The following MRPL17 variants were observed in gnomAD, a reference collection of about 807,000 sequenced individuals.
The protein encoded by MRPL17 is large ribosomal subunit protein bL17m.
MRPL17 carries 8 observed loss-of-function variants against 12.0 expected under a neutral mutation model. The observed-to-expected ratio is 0.67, with a 90% CI of 0.39 to 1.21. MRPL17 has a LOEUF of 1.21. Among genes scored for constraint, MRPL17 ranks in the 50% most tolerant of loss-of-function variants. MRPL17 has a pLI of 0.01. For missense variants in MRPL17, 263 were observed against 234.4 expected (o/e 1.12, Z -0.80); for synonymous variants, 107 against 92.9 (o/e 1.15, Z -0.87).
At position 6,683,105 on chromosome 11, in the gene MRPL17, G is replaced by C. The variant is rs985811793; in HGVS notation, c.174+18C>G. 3 of 1,609,546 alleles carry C rather than the reference G, an allele frequency of 1.9e-6. No individual in the cohort carries two copies. The highest frequency in any genetic ancestry group is 2.7e-5 in the African/African-American group (2 of 74,852). ...CAGACCAGACCCGCAGAGTGGACAA[G>C]AGGGCCGCGCTCCTCACCTTCTCCG... On this transcript the variant is annotated intron_variant, in intron 1 of 2. Transcript: ENST00000288937.
intron 1 of MRPL17, 112 bp from the exon 2 acceptor site, chr11:6,682,927 C>T: frequency 7.8e-7 from 1 of 1,283,392 alleles, no homozygotes; most frequent in East Asian, 2.4e-5. Context: ...CATCTCCAAT[C>T]TACGCCACCC....
At position 6,681,963 on chromosome 11, in the gene MRPL17, CAAAG is replaced by C; in HGVS notation, c.*151_*154del. 1.5e-6 allele frequency: 1 copy of C among 654,898 alleles called. No homozygotes were observed. The highest frequency in any genetic ancestry group is 3.3e-5 in the Admixed American group (1 of 30,562). The allele number at this position is 654,898 out of a possible 1,614,324, so 40.6% of individuals were successfully genotyped here. A position where few individuals can be genotyped will look rare whatever the true frequency, so the allele number is the denominator to read the frequency against. On this transcript the variant is annotated 3_prime_UTR_variant, in exon 3 of 3. Transcript: ENST00000288937. ...CATATAAAGACTTTTATCTATTGTG[CAAAG>C]AGAGGGTCATCTGGCTCCCCAGAAG...
At chr11:6,682,696 A>T in intron 2 of MRPL17, 51 bp downstream of exon 2, 1 of 1,568,496 alleles carries the variant, frequency 6.4e-7, no homozygotes. Context: ...TCCAACCCCC[A>T]CCCCCAGGGA....
chr11:6,683,200 G>A lies in MRPL17; in HGVS notation c.97C>T (p.Leu33Phe). The change falls in exon 1 of 3, where the codon CTC becomes TTC. Residue 33 changes from leucine (L) to phenylalanine (F), a missense_variant. Physicochemically the swap from Leu to Phe is conservative, Grantham distance 22 (BLOSUM62 0). Coordinates refer to ENST00000288937, the MANE Select transcript of MRPL17 (RefSeq NM_022061.4). ...ESRIHLLRNL[L>F]TGLVRHERIE... ...CGTTCGTGCCGCACCAGCCCTGTGA[G>A]CAAGTTCCGCAACAGATGGATGCGG... 1 of 1,614,206 alleles carries A rather than the reference G, an allele frequency of 6.2e-7. No homozygotes were observed. Among genetic ancestry groups the A allele is most frequent in the Admixed American group, 1.7e-5 (1 of 60,034 alleles).
rs1176830051 is a variant in MRPL17 at position 6,680,461 on chromosome 11, A to G, written c.*1657T>C. 6.6e-6 allele frequency among the ~76,000 whole-genome samples: 1 copy of G among 152,204 alleles called. No homozygotes were observed. The highest frequency in any genetic ancestry group is 1.5e-5 in the Non-Finnish European group (1 of 68,034). ...GGCAGTGGCCTGTTATTGTGAGCTC[A>G]TTGATGGTACAGGTTGTTTCTTATC... On this transcript the variant is annotated 3_prime_UTR_variant, in exon 3 of 3. Coordinates refer to ENST00000288937, the MANE Select transcript of MRPL17 (RefSeq NM_022061.4).
chr11:6,682,896 C>G, intron 1 of MRPL17, 81 bp from the exon 2 acceptor site: 2 of 1,419,106 alleles, frequency 1.4e-6, no homozygotes, highest in Non-Finnish European at 2.0e-6. Flanking sequence ...GGAAGGCAAT[C>G]CATTCTTTCC....
At position 6,683,307 on chromosome 11, in the gene MRPL17, T is replaced by A; in HGVS notation, c.-11A>T. The A allele has an allele frequency of 6.2e-7, 1 of 1,606,774 alleles. No individual in the cohort carries two copies. Among genetic ancestry groups the A allele is most frequent in the Non-Finnish European group, 8.5e-7 (1 of 1,174,858 alleles). On this transcript the variant is annotated 5_prime_UTR_variant, in exon 1 of 3. Transcript: ENST00000288937. The stretch of plus-strand genomic sequence containing the variant: ...GACCGACAGCCGCATGTTTCCAACT[T>A]CTGCCCGCCCCTTGGAGGCCGGAAC...
At chr11:6,683,101 A>G (rs372434414) in intron 1 of MRPL17, 22 bp downstream of exon 1, 2 of 1,608,252 alleles carry the variant, frequency 1.2e-6, no homozygotes, top group African/African-American at 1.3e-5. Flanking sequence ...CGCAGAGTGG[A>G]CAAGAGGGCC....
chr11:6,683,045 C>G (rs1846585389), intron 1 of MRPL17, 78 bp downstream of exon 1: 2 of 1,536,668 alleles, frequency 1.3e-6, no homozygotes, highest in Non-Finnish European at 1.8e-6. Flanking sequence ...AGGTTGGTCC[C>G]GGTCCCTTTC....
Position 6,682,039 on chromosome 11 carries a change from T to A in MRPL17, c.*79A>T, listed in dbSNP as rs1846570483. The A allele has an allele frequency of 2.0e-6, 3 of 1,508,558 alleles. No homozygotes were observed. The highest frequency in any genetic ancestry group is 2.7e-6 in the Non-Finnish European group (3 of 1,121,300). The allele number at this position is 1,508,558 out of a possible 1,614,324, so 93.4% of individuals were successfully genotyped here. On this transcript the variant is annotated 3_prime_UTR_variant, in exon 3 of 3. Coordinates refer to ENST00000288937, the MANE Select transcript of MRPL17 (RefSeq NM_022061.4). ...GTCCATTTTACATCTCTAGCTCCAG[T>A]TCTTCTCAGAGAGTAAAAGTGCTCC...
In MRPL17 at chr11:6,681,922, T is replaced by C. The variant is rs1480362004; in HGVS notation, c.*196A>G. ...AATCCCACAGGAAGGAAAAAATAAA[T>C]AAATTTATATATATTCATATAAAGA... On this transcript the variant is annotated 3_prime_UTR_variant, in exon 3 of 3. Transcript: ENST00000288937. 6 of 370,616 alleles carry C rather than the reference T, an allele frequency of 1.6e-5. 1 individual carries two copies. The East Asian group carries it at 2.2e-4, about 14-fold the overall frequency. The allele number at this position is 370,616 out of a possible 1,614,324, so 23.0% of individuals were successfully genotyped here. A position where few individuals can be genotyped will look rare whatever the true frequency, so the allele number is the denominator to read the frequency against.
Position 6,683,146 on chromosome 11 carries a change from C to T in MRPL17, c.151G>A (p.Glu51Lys). 6.2e-7 allele frequency: 1 copy of T among 1,614,032 alleles called. No individual in the cohort carries two copies. The change falls in exon 1 of 3, where the codon GAA becomes AAA. Residue 51 changes from glutamate to lysine, a missense_variant. Coordinates refer to ENST00000288937, the MANE Select transcript of MRPL17 (RefSeq NM_022061.4). ...ACCTTCTCCGCGTAGCCCCTCATTT[C>T]GTCCACACGCGCCCATGGTGCCTCG... ...RIEAPWARVD[E>K]MRGYAEKLID... is the part of the protein sequence containing the mutation.
intron 1 of MRPL17, 86 bp downstream of exon 1, chr11:6,683,037 G>GT: frequency 6.6e-7 from 1 of 1,514,574 alleles, no homozygotes; most frequent in African/African-American, 1.4e-5. Flanking sequence ...GGTTTACCAG[G>GT]TTGGTCCCGG....
At chr11:6,683,071 C>T (rs936897210) in intron 1 of MRPL17, 52 bp downstream of exon 1, 1 of 1,569,344 alleles carries the variant, frequency 6.4e-7, no homozygotes, top group African/African-American at 1.4e-5. Flanking sequence ...GCAGCCGGCT[C>T]CGCCCCCTCA....
intron 1 of MRPL17, 145 bp downstream of exon 1, chr11:6,682,978 G>T: frequency 7.7e-7 from 1 of 1,297,786 alleles, no homozygotes; most frequent in Non-Finnish European, 1.1e-6. Flanking sequence ...TAGAGGCGAT[G>T]GAGGGGCGGG....
chr11:6,682,806 A>G lies in MRPL17; in HGVS notation c.184T>C (p.Tyr62His), dbSNP rs1318415441. 1 of 1,614,078 alleles carries G rather than the reference A, an allele frequency of 6.2e-7. No homozygotes were observed. Among genetic ancestry groups the G allele is most frequent in the Non-Finnish European group, 8.5e-7 (1 of 1,179,950 alleles). ...MRGYAEKLID[Y>H]GKLGDTNERA... ...TCGTTAGTGTCTCCCAGCTTCCCAT[A>G]GTCGATGAGCTGTGAGGACATAACA... Residue 62 changes from tyrosine (Y) to histidine (H), a missense_variant, in exon 2 of 3, where the codon TAT (tyrosine) becomes CAT (histidine). Physicochemically the swap from Tyr to His is moderately conservative, Grantham distance 83. Transcript: ENST00000288937.
rs3177171 is a variant in MRPL17 at position 6,681,927 on chromosome 11, T to A, written c.*191A>T. ...CACAGGAAGGAAAAAATAAATAAAT[T>A]TATATATATTCATATAAAGACTTTT... On this transcript the variant is annotated 3_prime_UTR_variant, in exon 3 of 3. Transcript: ENST00000288937. The A allele has an allele frequency of 0.083, 31,208 of 378,074 alleles. 1,672 individuals carry two copies. The highest frequency in any genetic ancestry group is 0.18 in the African/African-American group (8,892 of 48,150). The allele number at this position is 378,074 out of a possible 1,614,324, so 23.4% of individuals were successfully genotyped here.
chr11:6,682,761 C>T lies in MRPL17; in HGVS notation c.229G>A (p.Asp77Asn). The T allele has an allele frequency of 6.2e-7, 1 of 1,614,094 alleles. No individual in the cohort carries two copies. The highest frequency in any genetic ancestry group is 8.5e-7 in the Non-Finnish European group (1 of 1,179,934). Residue 77 changes from aspartate to asparagine, a missense_variant, in exon 2 of 3, where the codon GAC becomes AAC. Asp to Asn is a conservative substitution (Grantham distance 23). Transcript: ENST00000288937. Reference sequence around the variant, plus strand: ...GTCGCACTCACTGTGAGCCAGAAGTCAGCCATGCGCATGGCTCGTTCGTTA... The same window carrying T: ...GTCGCACTCACTGTGAGCCAGAAGTTAGCCATGCGCATGGCTCGTTCGTTA... ...DTNERAMRMA[D>N]FWLTEKDLIP...
rs1246307377 is a variant in MRPL17 at position 6,682,102 on chromosome 11, G to A, written c.*16C>T. The A allele has an allele frequency of 1.3e-6, 2 of 1,599,076 alleles. No homozygotes were observed. Among genetic ancestry groups the A allele is most frequent in the East Asian group, 4.5e-5 (2 of 44,536 alleles). On this transcript the variant is annotated 3_prime_UTR_variant, in exon 3 of 3. Transcript: ENST00000288937. ...TCATGGGTACTGATTAAGGGCTGCAGACTCTTCAGATCCAGTTAAATCCCT... is the reference window on the plus strand; with the variant it reads ...TCATGGGTACTGATTAAGGGCTGCAAACTCTTCAGATCCAGTTAAATCCCT...
Sources: gnomAD v4.1 joint callset for allele counts (sites outside exome capture counted in the v4.1 genomes callset) on GRCh38, gnomAD v4.1.1 for gene constraint, MANE v1.5 for transcripts, NCBI Gene and HGNC (gene_info 2026-07-23, HGNC 2026-07-21) for gene names.